CCDC93: variants seen among roughly 807,000 people sequenced by gnomAD.
CCDC93 encodes the protein coiled-coil domain-containing protein 93.
A neutral mutation model predicts 108.2 loss-of-function variants in CCDC93; 61 were observed. The ratio of observed to expected loss-of-function variants is 0.56; its 90% CI spans 0.46 to 0.70. The LOEUF is 0.70. Ranked by LOEUF, CCDC93 falls within the 30% of genes least tolerant of loss-of-function variation. The probability of loss-of-function intolerance (pLI) is 0.00; values close to 1 mark genes in which losing one functional copy is unlikely to be tolerated. For missense variants in CCDC93, 685 were observed against 764.2 expected (o/e 0.90, Z 1.22); for synonymous variants, 276 against 260.4 (o/e 1.06, Z -0.58).
chr2:117,968,156 G>A (rs1158181049), intron 11 of CCDC93, among the ~76,000 whole-genome samples: 2 of 152,188 alleles, frequency 1.3e-5, no homozygotes, highest in African/African-American at 2.4e-5. Flanking sequence ...TCAAAACGGT[G>A]TATGGTTAGT....
intron 6 of CCDC93, among the ~76,000 whole-genome samples, chr2:117,989,980 C>A (rs1387671891): frequency 6.6e-6 from 1 of 152,230 alleles, no homozygotes; most frequent in Non-Finnish European, 1.5e-5. Flanking sequence ...TCCAACTAGT[C>A]TGGAAGCTCT....
At chr2:117,938,577 A>C (rs1262265629) in intron 20 of CCDC93, among the ~76,000 whole-genome samples, 2 of 150,602 alleles carry the variant, frequency 1.3e-5, no homozygotes, top group African/African-American at 4.9e-5. Flanking sequence ...AAAAAGACGA[A>C]GGGAGTGACA....
At chr2:118,002,337 G>A (rs1573529842) in intron 3 of CCDC93, among the ~76,000 whole-genome samples, 1 of 152,144 alleles carries the variant, frequency 6.6e-6, no homozygotes, top group Admixed American at 6.5e-5. Context: ...AGTTATTACT[G>A]TCTTATCTAT....
intron 22 of CCDC93, chr2:117,934,439 C>T (rs575443851): frequency 1.3e-5 from 2 of 152,330 alleles, no homozygotes; most frequent in Non-Finnish European, 2.9e-5. Context: ...CAAACACTGA[C>T]TTATGTCGTT....
chr2:117,990,440 C>T (rs1331345345), intron 6 of CCDC93, among the ~76,000 whole-genome samples: 1 of 152,224 alleles, frequency 6.6e-6, no homozygotes, highest in African/African-American at 2.4e-5. Flanking sequence ...AAGACAAAAA[C>T]AGAACACGCC....
At position 117,932,376 on chromosome 2, in the gene CCDC93, T is replaced by C. The variant is rs373506549; in HGVS notation, c.1729-1226A>G. 2.0e-5 allele frequency among the ~76,000 whole-genome samples: 3 copies of C among 152,302 alleles called. No individual in the cohort carries two copies. In the East Asian group the frequency reaches 5.8e-4, roughly 29 times the overall value. On this transcript the variant is annotated intron_variant, in intron 22 of 23. Coordinates refer to ENST00000376300, the MANE Select transcript of CCDC93 (RefSeq NM_019044.5). ...GTAAAATTGACTGCATTTTATTCAGTAGTTCCCTCCACACTATAGGCTTCT... is the reference window on the plus strand; with the variant it reads ...GTAAAATTGACTGCATTTTATTCAGCAGTTCCCTCCACACTATAGGCTTCT...
intron 18 of CCDC93, among the ~76,000 whole-genome samples, 154 bp from the exon 19 acceptor site, chr2:117,941,451 T>C (rs750546171): frequency 3.9e-5 from 6 of 152,048 alleles, no homozygotes; most frequent in Admixed American, 6.5e-5. Context: ...AAGGTCCCCA[T>C]CTCAGATTTG....
At chr2:117,988,408 C>CT (rs1449680290) in intron 6 of CCDC93, among the ~76,000 whole-genome samples, 1 of 152,156 alleles carries the variant, frequency 6.6e-6, no homozygotes, top group East Asian at 1.9e-4. Flanking sequence ...CCATAGACAA[C>CT]TTTTTTATTG....
intron 3 of CCDC93, among the ~76,000 whole-genome samples, chr2:118,002,124 T>A (rs1044868109): frequency 6.6e-6 from 1 of 152,174 alleles, no homozygotes; most frequent in African/African-American, 2.4e-5. Context: ...ACAAATACAG[T>A]ACTATGTTCT....
intron 1 of CCDC93, among the ~76,000 whole-genome samples, chr2:118,010,338 T>C (rs1203760658): frequency 2.6e-5 from 4 of 152,204 alleles, no homozygotes; most frequent in Non-Finnish European, 5.9e-5. Context: ...TCCATCTAAA[T>C]ATTCTAATAC....
chr2:117,985,293 G>C (rs906785973), intron 7 of CCDC93: 4 of 169,580 alleles, frequency 2.4e-5, no homozygotes, highest in Non-Finnish European at 4.8e-5. Context: ...TGGCAATGCA[G>C]TTAGTTCCAG....
chr2:117,978,252 T>C (rs1445549243), intron 7 of CCDC93, among the ~76,000 whole-genome samples: 1 of 152,216 alleles, frequency 6.6e-6, no homozygotes, highest in Non-Finnish European at 1.5e-5. Context: ...TAATGTAAAT[T>C]GGAACTCTCA....
In CCDC93 at chr2:117,993,166, G is replaced by T. The variant is rs562919511; in HGVS notation, c.519+2280C>A. Among the ~76,000 whole-genome samples the T allele has an allele frequency of 4.9e-4, 74 of 152,294 alleles. 1 individual carries two copies. The South Asian group carries it at 8.7e-3, about 18-fold the overall frequency. On this transcript the variant is annotated intron_variant, in intron 6 of 23. Coordinates refer to ENST00000376300, the MANE Select transcript of CCDC93 (RefSeq NM_019044.5). The stretch of plus-strand genomic sequence containing the variant: ...AATCCCAGCACTTTGGGAGGCCGAG[G>T]TGGGCGGACCTCGAGGTCAGGAGAT...
At chr2:117,929,040 C>T (rs1678228722) in intron 23 of CCDC93, among the ~76,000 whole-genome samples, 1 of 146,616 alleles carries the variant, frequency 6.8e-6, no homozygotes. Context: ...TGTTTTCACT[C>T]ATAGTTGGGA....
chr2:117,941,429 G>A (rs1341711330), intron 18 of CCDC93, 132 bp from the exon 19 acceptor site: 20 of 658,074 alleles, frequency 3.0e-5, no homozygotes, highest in Non-Finnish European at 5.1e-5. Context: ...ACAAACTCCT[G>A]CCATGGGCTT....
chr2:117,974,783 G>A (rs1679876440), intron 10 of CCDC93, 67 bp downstream of exon 10: 1 of 1,245,668 alleles, frequency 8.0e-7, no homozygotes, highest in Admixed American at 2.0e-5. Context: ...GGCTCTCTGG[G>A]AGAAGACCCC....
intron 1 of CCDC93, 134 bp downstream of exon 1, chr2:118,013,820 C>G: frequency 1.3e-6 from 1 of 773,628 alleles, no homozygotes; most frequent in Non-Finnish European, 2.0e-6. Flanking sequence ...GTCGGCGCTT[C>G]CCTGAGGTGG....
intron 23 of CCDC93, among the ~76,000 whole-genome samples, chr2:117,923,829 T>C (rs1677977201): frequency 4.9e-5 from 1 of 20,576 alleles, no homozygotes; most frequent in African/African-American, 2.2e-4. Flanking sequence ...GGCAGACTGC[T>C]TCCTCATGTG....
At chr2:117,946,572 T>C (rs1678879301) in intron 16 of CCDC93, among the ~76,000 whole-genome samples, 1 of 152,110 alleles carries the variant, frequency 6.6e-6, no homozygotes, top group Non-Finnish European at 1.5e-5. Flanking sequence ...AGGCCAGAAT[T>C]GTGTAATCTG....
Sources: allele counts gnomAD v4.1 joint callset (sites outside exome capture counted in the v4.1 genomes callset), GRCh38; gene constraint gnomAD v4.1.1; transcripts MANE v1.5; gene names NCBI Gene and HGNC (gene_info 2026-07-23, HGNC 2026-07-21).